The following LINGO1 variants were observed in gnomAD, a reference collection of about 807,000 sequenced individuals.
The protein encoded by LINGO1 is leucine-rich repeat and immunoglobulin-like domain-containing nogo receptor-interacting protein 1.
In LINGO1, 11 loss-of-function variants were observed where a neutral mutation model predicts 37.3. The ratio of observed to expected loss-of-function variants is 0.29; its 90% CI spans 0.19 to 0.49. The LOEUF (loss-of-function observed/expected upper bound fraction) is 0.49. Ranked by LOEUF, LINGO1 falls within the 20% of genes least tolerant of loss-of-function variation. The probability of loss-of-function intolerance (pLI) is 0.99; values close to 1 mark genes in which losing one functional copy is unlikely to be tolerated. For synonymous variants in LINGO1, 387 were observed against 403.0 expected (o/e 0.96, Z 0.48); for missense variants, 585 against 878.2 (o/e 0.67, Z 4.22).
rs772126673 is a variant in LINGO1 at position 77,615,708 on chromosome 15, C to T, written c.199G>A (p.Glu67Lys). The T allele has an allele frequency of 1.9e-6, 3 of 1,600,206 alleles. No homozygotes were observed. The highest frequency in any genetic ancestry group is 2.6e-6 in the Non-Finnish European group (3 of 1,174,260). The change falls in exon 2 of 2, where the codon GAG becomes AAG. Residue 67 changes from glutamate to lysine, a missense_variant. By Grantham distance (56) the Glu-to-Lys change is moderately conservative. Transcript: ENST00000355300. ...CHRKRFVAVP[E>K]GIPTETRLLD... ...AGGCGCGTCTCGGTGGGGATGCCCT[C>T]GGGGACTGCCACAAAGCGCTTGCGG...
intron 1 of LINGO1, among the ~76,000 whole-genome samples, chr15:77,818,737 C>G (rs932525712): frequency 6.6e-6 from 1 of 152,150 alleles, no homozygotes; most frequent in Non-Finnish European, 1.5e-5. Flanking sequence ...CCGCGCGGTC[C>G]TGCCTGACCC....
chr15:77,708,123 T>C (rs1373709930), intron 2 of LINGO1, among the ~76,000 whole-genome samples: 1 of 152,014 alleles, frequency 6.6e-6, no homozygotes, highest in African/African-American at 2.4e-5. Context: ...TATAATGAGG[T>C]GAATGGGTTT....
intron 1 of LINGO1, among the ~76,000 whole-genome samples, chr15:77,797,187 T>G (rs1160684920): frequency 6.6e-6 from 1 of 152,246 alleles, no homozygotes; most frequent in Non-Finnish European, 1.5e-5. Flanking sequence ...CTCTCCCTCC[T>G]TCTGGCCAGG....
intron 3 of LINGO1, chr15:77,648,301 T>C (rs1043022316): frequency 1.1e-5 from 2 of 175,990 alleles, no homozygotes; most frequent in African/African-American, 4.8e-5. Context: ...GGCAACATTG[T>C]ACAGAGGGGA....
intron 1 of LINGO1, among the ~76,000 whole-genome samples, chr15:77,796,310 GCA>G (rs145431085): frequency 1.3e-5 from 2 of 151,622 alleles, no homozygotes; most frequent in African/African-American, 2.4e-5. Flanking sequence ...GTGCGGGCGT[GCA>G]CACACACACA....
intron 1 of LINGO1, among the ~76,000 whole-genome samples, chr15:77,738,767 GGA>G (rs2076228295): frequency 6.7e-6 from 1 of 148,270 alleles, no homozygotes; most frequent in African/African-American, 2.5e-5. Context: ...AAGGAAGGAA[GGA>G]AGGAAGGAAG....
At chr15:77,715,327 G>A (rs762859765) in intron 2 of LINGO1, among the ~76,000 whole-genome samples, 5 of 152,208 alleles carry the variant, frequency 3.3e-5, no homozygotes, top group Non-Finnish European at 5.9e-5. Context: ...GAGTCAGTCA[G>A]TTGTGACAAA....
In LINGO1 at chr15:77,794,335, TATACATAC is replaced by T. The variant is rs1194102951; in HGVS notation, c.-343+1596_-343+1603del. Among the ~76,000 whole-genome samples, 41 of 129,060 alleles carry T rather than the reference TATACATAC, an allele frequency of 3.2e-4. 4 individuals carry two copies. Among genetic ancestry groups the T allele is most frequent in the African/African-American group, 9.2e-4 (32 of 34,784 alleles). 84.7% of individuals were successfully genotyped at this position (129,060 alleles called of 152,430 possible). A position where few individuals can be genotyped will look rare whatever the true frequency, so the allele number is the denominator to read the frequency against. Reference sequence around the variant, plus strand: ...ATGTGTATATACATACATATATGTATATACATACATATATACGTATATATGTGTATATA... The same window carrying T: ...ATGTGTATATACATACATATATGTATATATATACGTATATATGTGTATATA... On this transcript the variant is annotated intron_variant, in intron 2 of 5. Coordinates refer to the LINGO1 transcript ENST00000562933.
At chr15:77,818,253 A>T (rs562812907) in intron 1 of LINGO1, among the ~76,000 whole-genome samples, 1 of 152,176 alleles carries the variant, frequency 6.6e-6, no homozygotes, top group African/African-American at 2.4e-5. Flanking sequence ...TGGGCCTCTC[A>T]CTCCAGGAGA....
chr15:77,798,865 C>T (rs993724678), intron 1 of LINGO1, among the ~76,000 whole-genome samples: 1 of 152,224 alleles, frequency 6.6e-6, no homozygotes, highest in East Asian at 1.9e-4. Flanking sequence ...TCTTCAAGGA[C>T]TCTGACAAAG....
chr15:77,813,749 C>T lies in LINGO1; in HGVS notation c.-458+6509G>A, dbSNP rs79912539. Among the ~76,000 whole-genome samples the T allele has an allele frequency of 9.5e-3, 1,441 of 152,258 alleles. 24 individuals are homozygous for T. The highest frequency in any genetic ancestry group is 0.033 in the African/African-American group (1,371 of 41,546). ...CCATGTAGAAAAATACGTATTAGAG[C>T]CTCAAAAATAGCCTTGTAAGGCAGG... On this transcript the variant is annotated intron_variant, in intron 1 of 5. Transcript: ENST00000562933.
chr15:77,722,894 G>A (rs1269235072), intron 2 of LINGO1, among the ~76,000 whole-genome samples: 2 of 152,134 alleles, frequency 1.3e-5, no homozygotes, highest in African/African-American at 2.4e-5. Context: ...AGTAACCCGG[G>A]GAGGGCAGCA....
At chr15:77,751,330 C>A (rs934235902) in intron 1 of LINGO1, among the ~76,000 whole-genome samples, 14 of 152,244 alleles carry the variant, frequency 9.2e-5, no homozygotes, top group Admixed American at 6.5e-5. Flanking sequence ...CTCAGCAAGG[C>A]TGGCTGCTTT....
chr15:77,738,310 GCCCATGGTA>G (rs2076222805), intron 1 of LINGO1, among the ~76,000 whole-genome samples: 1 of 152,144 alleles, frequency 6.6e-6, no homozygotes, highest in South Asian at 2.1e-4. Context: ...CCTGCCATAA[GCCCATGGTA>G]CAGACTGAAG....
At position 77,710,926 on chromosome 15, in the gene LINGO1, G is replaced by A. The variant is rs1484948753; in HGVS notation, c.-194-20025C>T. Among the ~76,000 whole-genome samples the A allele has an allele frequency of 2.0e-5, 3 of 152,176 alleles. No homozygotes were observed. In the East Asian group the frequency reaches 5.8e-4, roughly 29 times the overall value. On this transcript the variant is annotated intron_variant, in intron 2 of 3. Transcript: ENST00000561686. ...TTGGCATCTGTTCACAGGCCTCAGGGGCCTCTGGTTCACCATTCTTGGGAG... is the reference window on the plus strand; with the variant it reads ...TTGGCATCTGTTCACAGGCCTCAGGAGCCTCTGGTTCACCATTCTTGGGAG...
chr15:77,722,181 C>CACT (rs60080803), intron 2 of LINGO1, among the ~76,000 whole-genome samples: 3 of 151,744 alleles, frequency 2.0e-5, no homozygotes, highest in Non-Finnish European at 4.4e-5. Flanking sequence ...GTGTTGTCAG[C>CACT]TTTTAAATGG....
At chr15:77,678,584 T>C (rs2075365423) in intron 2 of LINGO1, among the ~76,000 whole-genome samples, 1 of 152,246 alleles carries the variant, frequency 6.6e-6, no homozygotes, top group South Asian at 2.1e-4. Context: ...ATTTGTGTTG[T>C]TTCCAGTTTT....
intron 1 of LINGO1, among the ~76,000 whole-genome samples, chr15:77,620,836 T>C (rs1475069200): frequency 6.6e-6 from 1 of 151,942 alleles, no homozygotes; most frequent in Non-Finnish European, 1.5e-5. Flanking sequence ...GGACGGTAGT[T>C]AGGGGAGATG....
intron 1 of LINGO1, among the ~76,000 whole-genome samples, chr15:77,768,363 T>G (rs1005167934): frequency 6.6e-6 from 1 of 152,114 alleles, no homozygotes; most frequent in African/African-American, 2.4e-5. Context: ...CCTCCTGAAC[T>G]TTTCTTTCTA....
Sources: gnomAD v4.1 joint callset for allele counts (sites outside exome capture counted in the v4.1 genomes callset) on GRCh38, gnomAD v4.1.1 for gene constraint, MANE v1.5 for transcripts, NCBI Gene and HGNC (gene_info 2026-07-23, HGNC 2026-07-21) for gene names.